HELQ: variants seen among roughly 807,000 people sequenced by gnomAD.
HELQ encodes the protein helicase POLQ-like.
HELQ carries 77 observed loss-of-function variants against 111.6 expected under a neutral mutation model. The ratio of observed to expected loss-of-function variants is 0.69; its 90% confidence interval spans 0.57 to 0.83. The LOEUF (loss-of-function observed/expected upper bound fraction) is 0.83. Ranked by LOEUF, HELQ falls within the 40% of genes least tolerant of loss-of-function variation. The probability of loss-of-function intolerance (pLI) is 0.00; values close to 1 mark genes in which losing one functional copy is unlikely to be tolerated. For missense variants in HELQ, 1,200 were observed against 1,288.5 expected, an observed-to-expected ratio of 0.93 and a Z score of 1.05; for synonymous variants, 438 against 454.7, an observed-to-expected ratio of 0.96 and a Z score of 0.47.
rs1168166221 is a variant in HELQ at position 83,453,458 on chromosome 4, C to A, written c.785G>T (p.Arg262Ile). The A allele has an allele frequency of 1.2e-6, 2 of 1,606,474 alleles. No homozygotes were observed. The highest frequency in any genetic ancestry group is 2.7e-5 in the African/African-American group (2 of 74,202). Residue 262 changes from arginine (R) to isoleucine (I), a missense_variant, in exon 2 of 18, where the codon AGA (arginine) becomes ATA (isoleucine). Physicochemically the swap from Arg to Ile is moderately conservative, Grantham distance 97. Transcript: ENST00000295488. ...TTTTAGATGATCTTTAATACTTTTT[C>A]TCCTGTTCATATCTGAACTAGTTCT... ...KVRTSSDMNR[R>I]KSIKDHLKNA... is the part of the protein sequence containing the mutation.
rs577610167 is a variant in HELQ at position 83,446,230 on chromosome 4, T to C, written c.1393-144A>G. The C allele has an allele frequency of 3.5e-5, 21 of 595,620 alleles. No individual in the cohort carries two copies. In the Admixed American group the frequency reaches 4.9e-4, roughly 14 times the overall value. The allele number at this position is 595,620 out of a possible 1,614,324, so 36.9% of individuals were successfully genotyped here. ...TTGAATATAACAACTATAATACATG[T>C]ATATTATTTCACTGGTATTTAGGTT... On this transcript the variant is annotated intron_variant, in intron 4 of 17. Transcript: ENST00000295488.
chr4:83,446,210 T>C (rs1459172602), intron 4 of HELQ, 124 bp from the exon 5 acceptor site: 1 of 645,874 alleles, frequency 1.5e-6, no homozygotes, highest in Admixed American at 2.6e-5. Flanking sequence ...GTATTTTGAA[T>C]ATAACAACTA....
intron 2 of HELQ, 56 bp from the exon 3 acceptor site, chr4:83,449,017 A>T: frequency 7.7e-7 from 1 of 1,290,374 alleles, no homozygotes; most frequent in Non-Finnish European, 1.1e-6. Context: ...TTGAAACTCA[A>T]AAGTTTTCTA....
At chr4:83,451,471 G>A (rs548985014) in intron 2 of HELQ, among the ~76,000 whole-genome samples, 13 of 151,990 alleles carry the variant, frequency 8.6e-5, no homozygotes, top group African/African-American at 3.1e-4. Flanking sequence ...GACCATCCTG[G>A]CTAACACGGT....
At chr4:83,445,000 T>C (rs1720975755) in intron 5 of HELQ, among the ~76,000 whole-genome samples, 1 of 152,144 alleles carries the variant, frequency 6.6e-6, no homozygotes, top group Non-Finnish European at 1.5e-5. Flanking sequence ...AAGGATGAGG[T>C]ACTGAACTAA....
chr4:83,450,143 A>G (rs991407316), intron 2 of HELQ, among the ~76,000 whole-genome samples: 1 of 149,600 alleles, frequency 6.7e-6, no homozygotes, highest in Non-Finnish European at 1.5e-5. Flanking sequence ...GAATTATTGT[A>G]CAATCAACCA....
At position 83,407,522 on chromosome 4, in the gene HELQ, CTCT is replaced by C; in HGVS notation, c.3234_3236del (p.Glu1079del). Reference sequence around the variant, plus strand: ...AAGGCAATCTTAGTAACTCTTCTACCTCTTCTTGCAGGGCTTCTGCTTTTTCAT... The same window carrying C: ...AAGGCAATCTTAGTAACTCTTCTACCTCTTGCAGGGCTTCTGCTTTTTCAT... On this transcript the variant is annotated inframe_deletion, in exon 18 of 18. Transcript: ENST00000295488. 1 of 1,612,010 alleles carries C rather than the reference CTCT, an allele frequency of 6.2e-7. No homozygotes were observed.
At chr4:83,442,562 T>A (rs993413859) in intron 6 of HELQ, among the ~76,000 whole-genome samples, 1 of 151,586 alleles carries the variant, frequency 6.6e-6, no homozygotes, top group Non-Finnish European at 1.5e-5. Context: ...CAGGCGTGCG[T>A]CACCATGCCC....
chr4:83,442,646 C>T (rs1197480277), intron 6 of HELQ, among the ~76,000 whole-genome samples: 1 of 150,090 alleles, frequency 6.7e-6, no homozygotes, highest in African/African-American at 2.5e-5. Context: ...CTCTTGACCT[C>T]GTGATCTGCC....
chr4:83,435,529 C>T (rs1371618002), intron 9 of HELQ, among the ~76,000 whole-genome samples: 1 of 150,940 alleles, frequency 6.6e-6, no homozygotes. Flanking sequence ...AATGTTTTAC[C>T]CCCTAAAGCG....
intron 12 of HELQ, among the ~76,000 whole-genome samples, chr4:83,428,933 A>T (rs905397794): frequency 6.6e-6 from 1 of 152,140 alleles, no homozygotes; most frequent in Non-Finnish European, 1.5e-5. Flanking sequence ...GATATACACC[A>T]AATTGTTATT....
At position 83,432,162 on chromosome 4, in the gene HELQ, C is replaced by T. The variant is rs781268750; in HGVS notation, c.2154G>A (p.Glu718=). 140 of 1,593,488 alleles carry T rather than the reference C, an allele frequency of 8.8e-5. No homozygotes were observed. The highest frequency in any genetic ancestry group is 1.2e-4 in the Non-Finnish European group (137 of 1,170,890). The change falls in exon 10 of 18, where the codon GAG becomes GAA. Residue 718 remains glutamate, a synonymous_variant. Coordinates refer to ENST00000295488, the MANE Select transcript of HELQ (RefSeq NM_133636.5). ...CTTTTTCTTGCAATATGAGGATACT[C>T]TCCCCAATAGTATCTATTCCAGCAC... ...AGRAGIDTIG[E]SILILQEKDK...
intron 6 of HELQ, 22 bp from the exon 7 acceptor site, chr4:83,441,425 C>T (rs1720750082): frequency 9.3e-7 from 1 of 1,074,708 alleles, no homozygotes; most frequent in Non-Finnish European, 1.4e-6. Context: ...AGGACATTTG[C>T]AATTAATACG....
intron 12 of HELQ, 29 bp downstream of exon 12, chr4:83,429,495 T>A: frequency 1.4e-6 from 2 of 1,414,908 alleles, no homozygotes; most frequent in Non-Finnish European, 2.0e-6. Flanking sequence ...GTGTTTCCTA[T>A]GATCAATAAG....
chr4:83,441,768 G>GTTTT (rs1446974049), intron 6 of HELQ, among the ~76,000 whole-genome samples: 3 of 136,962 alleles, frequency 2.2e-5, no homozygotes, highest in African/African-American at 7.9e-5. Flanking sequence ...CTAAAACTTT[G>GTTTT]TCTTTTTTTT....
Position 83,455,631 on chromosome 4 carries a change from G to A in HELQ, c.63C>T (p.Ser21=), listed in dbSNP as rs1283730019. The A allele has an allele frequency of 6.2e-6, 10 of 1,613,622 alleles. No homozygotes were observed. The highest frequency in any genetic ancestry group is 8.5e-6 in the Non-Finnish European group (10 of 1,180,034). The change falls in exon 1 of 18, where the codon AGC becomes AGT. Residue 21 remains serine, a synonymous_variant. Coordinates refer to ENST00000295488, the MANE Select transcript of HELQ (RefSeq NM_133636.5). ...RVSLPKRNRP[S]LGCIFGAPTA... The stretch of plus-strand genomic sequence containing the variant: ...TGGGAGCGCCAAAAATACACCCCAA[G>A]CTTGGACGGTTCCTTTTGGGGAGAG...
chr4:83,443,199 G>C (rs1042913754), intron 6 of HELQ, among the ~76,000 whole-genome samples: 5 of 151,602 alleles, frequency 3.3e-5, no homozygotes, highest in Non-Finnish European at 7.4e-5. Flanking sequence ...CTAAAATTTT[G>C]CCAAATAAAA....
intron 1 of HELQ, among the ~76,000 whole-genome samples, chr4:83,455,059 A>C: frequency 6.6e-6 from 1 of 152,196 alleles, no homozygotes; most frequent in Non-Finnish European, 1.5e-5. Context: ...GGGCCTGATT[A>C]CTGTCGTAAA....
intron 17 of HELQ, among the ~76,000 whole-genome samples, chr4:83,412,604 T>C (rs759458658): frequency 3.6e-4 from 55 of 152,182 alleles, no homozygotes; most frequent in Non-Finnish European, 4.1e-4. Flanking sequence ...GATGGAAGGA[T>C]TGCTTGAGGC....
Sources: gnomAD v4.1 joint callset for allele counts (sites outside exome capture counted in the v4.1 genomes callset) on GRCh38, gnomAD v4.1.1 for gene constraint, MANE v1.5 for transcripts, NCBI Gene and HGNC (gene_info 2026-07-23, HGNC 2026-07-21) for gene names.